MAP4K4: variants seen among roughly 807,000 people sequenced by gnomAD.
MAP4K4 encodes the protein HPK/GCK-like kinase HGK.
A neutral mutation model predicts 189.6 loss-of-function variants in MAP4K4; 38 were observed. The observed-to-expected ratio is 0.20, with a 90% CI of 0.15 to 0.26. The LOEUF (loss-of-function observed/expected upper bound fraction) is 0.26, where lower values mean the gene tolerates loss of function less well. Ranked by LOEUF, MAP4K4 falls within the 10% of genes least tolerant of loss-of-function variation. The pLI, the probability that MAP4K4 is intolerant of heterozygous loss-of-function variation, is 1.00. For missense variants in MAP4K4, 1,054 were observed against 1,726.9 expected, an observed-to-expected ratio of 0.61 and a Z score of 6.91; for synonymous variants, 610 against 624.3, an observed-to-expected ratio of 0.98 and a Z score of 0.34.
chr2:101,746,196 C>G (rs976556929), intron 2 of MAP4K4, among the ~76,000 whole-genome samples: 3 of 151,886 alleles, frequency 2.0e-5, no homozygotes, highest in Admixed American at 1.3e-4. Context: ...TTGTGTTGCC[C>G]AAGCTGGTCT....
At chr2:101,861,049 C>G (rs1229415122) in intron 16 of MAP4K4, 63 bp downstream of exon 16, 1 of 1,441,074 alleles carries the variant, frequency 6.9e-7, no homozygotes, top group African/African-American at 1.4e-5. Context: ...GAGCCGCAGG[C>G]CTGCTGTAAT....
At chr2:101,775,738 C>G (rs572866463) in intron 2 of MAP4K4, among the ~76,000 whole-genome samples, 1 of 152,312 alleles carries the variant, frequency 6.6e-6, no homozygotes, top group South Asian at 2.1e-4. Flanking sequence ...CGAGGCAGCC[C>G]TGGTTCACAC....
At chr2:101,729,044 T>C (rs537537568) in intron 2 of MAP4K4, among the ~76,000 whole-genome samples, 3 of 150,256 alleles carry the variant, frequency 2.0e-5, no homozygotes, top group Non-Finnish European at 4.4e-5. Context: ...AGAAGCAACT[T>C]AAGAGTTATG....
At chr2:101,716,951 G>A (rs1279032826) in intron 2 of MAP4K4, among the ~76,000 whole-genome samples, 2 of 152,142 alleles carry the variant, frequency 1.3e-5, no homozygotes, top group African/African-American at 4.8e-5. Context: ...GAATGAGATG[G>A]AGATATAATA....
chr2:101,825,753 A>G (rs531163389), intron 5 of MAP4K4, among the ~76,000 whole-genome samples: 9 of 152,176 alleles, frequency 5.9e-5, no homozygotes, highest in African/African-American at 1.9e-4. Flanking sequence ...ATCTCCAACT[A>G]TTGTTTTTAA....
intron 1 of MAP4K4, 52 bp downstream of exon 1, chr2:101,698,189 A>T: frequency 3.3e-6 from 3 of 898,178 alleles, no homozygotes; most frequent in Non-Finnish European, 4.1e-6. Context: ...GGCAGCCGGC[A>T]GCCGGGGCCG....
intron 2 of MAP4K4, among the ~76,000 whole-genome samples, chr2:101,762,220 G>A (rs1053715635): frequency 6.6e-6 from 1 of 152,212 alleles, no homozygotes; most frequent in Non-Finnish European, 1.5e-5. Context: ...ACATTTAAAG[G>A]CACCTCATTT....
chr2:101,876,724 A>G (rs1459446910), intron 26 of MAP4K4, among the ~76,000 whole-genome samples: 1 of 152,218 alleles, frequency 6.6e-6, no homozygotes, highest in African/African-American at 2.4e-5. Context: ...AGAACTAGAA[A>G]CTAATGGATT....
chr2:101,806,986 G>C (rs945136070), intron 3 of MAP4K4, among the ~76,000 whole-genome samples: 4 of 152,030 alleles, frequency 2.6e-5, no homozygotes, highest in Non-Finnish European at 4.4e-5. Context: ...GGCACGTGTG[G>C]AGTAGTGTTG....
exon 10 of MAP4K4, chr2:101,839,883 A>G: frequency 1.2e-6 from 2 of 1,613,896 alleles, no homozygotes; most frequent in Non-Finnish European, 1.7e-6. Flanking sequence ...GCGGCCCTCT[A>G]CAGAGCAGCT....
chr2:101,811,596 T>C (rs1342433881), intron 3 of MAP4K4, among the ~76,000 whole-genome samples: 1 of 152,094 alleles, frequency 6.6e-6, no homozygotes, highest in East Asian at 1.9e-4. Flanking sequence ...CCTGCCTCTG[T>C]ATCTGCATTG....
intron 26 of MAP4K4, 41 bp from the exon 27 acceptor site, chr2:101,876,962 G>A (rs768378330): frequency 1.2e-6 from 2 of 1,609,126 alleles, no homozygotes; most frequent in East Asian, 4.5e-5. Context: ...GATTTGCCAA[G>A]CACAGCATAA....
rs751420214 is a variant in MAP4K4 at position 101,885,296 on chromosome 2, A to G, written c.3621+9A>G. The G allele has an allele frequency of 5.2e-6, 8 of 1,524,104 alleles. No individual in the cohort carries two copies. Among genetic ancestry groups the G allele is most frequent in the Non-Finnish European group, 6.3e-6 (7 of 1,111,322 alleles). The allele number at this position is 1,524,104 out of a possible 1,614,324, so 94.4% of individuals were successfully genotyped here. On this transcript the variant is annotated intron_variant, in intron 29 of 32. Coordinates refer to ENST00000324219, the Ensembl canonical transcript of MAP4K4. ...AATTTATGGCCTTTAAGGTAACAACATCAAGTGAATTTAAAAGTAGTATTG... is the reference window on the plus strand; with the variant it reads ...AATTTATGGCCTTTAAGGTAACAACGTCAAGTGAATTTAAAAGTAGTATTG...
At chr2:101,868,945 T>G (rs934862686) in intron 21 of MAP4K4, among the ~76,000 whole-genome samples, 2 of 152,208 alleles carry the variant, frequency 1.3e-5, no homozygotes, top group African/African-American at 4.8e-5. Context: ...CAAAGTCTTC[T>G]TTAAAGGGGT....
chr2:101,776,490 G>C (rs2084189995), intron 2 of MAP4K4, among the ~76,000 whole-genome samples: 2 of 150,984 alleles, frequency 1.3e-5, no homozygotes. Flanking sequence ...TTCAAGAGAA[G>C]CTAGAAATCT....
At chr2:101,706,649 T>C (rs1170549863) in intron 2 of MAP4K4, among the ~76,000 whole-genome samples, 1 of 152,234 alleles carries the variant, frequency 6.6e-6, no homozygotes, top group African/African-American at 2.4e-5. Context: ...CCTGTTGATT[T>C]CAATTTTTTC....
Position 101,884,292 on chromosome 2 carries a change from A to G in MAP4K4, c.3521-895A>G, listed in dbSNP as rs373157930. Among the ~76,000 whole-genome samples, 14 of 152,344 alleles carry G rather than the reference A, an allele frequency of 9.2e-5. No homozygotes were observed. The East Asian group carries it at 1.5e-3, about 17-fold the overall frequency. The stretch of plus-strand genomic sequence containing the variant: ...GGCACTAGTACATTCTAAGTGTGCA[A>G]TAGCCCCATGTGTGTGGTGGTTATA... On this transcript the variant is annotated intron_variant, in intron 28 of 32. Transcript: ENST00000324219.
intron 2 of MAP4K4, among the ~76,000 whole-genome samples, chr2:101,779,243 A>T (rs570661673): frequency 6.6e-6 from 1 of 152,096 alleles, no homozygotes; most frequent in Non-Finnish European, 1.5e-5. Flanking sequence ...AATAGAGGGA[A>T]GCATAAAGCT....
intron 3 of MAP4K4, among the ~76,000 whole-genome samples, chr2:101,797,945 A>AGTGCACAAGTCTAGCT (rs560774991): frequency 5.2e-5 from 6 of 114,732 alleles, no homozygotes; most frequent in Admixed American, 1.2e-4. Context: ...CCCAAGCTAG[A>AGTGCACAAGTCTAGCT]GTGCACAAGT....
Sources: allele counts gnomAD v4.1 joint callset (sites outside exome capture counted in the v4.1 genomes callset), GRCh38; gene constraint gnomAD v4.1.1; transcripts MANE v1.5; gene names NCBI Gene and HGNC (gene_info 2026-07-23, HGNC 2026-07-21).